MTSS1: variants seen among roughly 807,000 people sequenced by gnomAD.
MTSS1 encodes the protein MTSS I-BAR domain containing 1, also known as protein MTSS 1.
A neutral mutation model predicts 79.0 loss-of-function variants in MTSS1; 18 were observed. That is an observed-to-expected ratio of 0.23 (90% CI 0.16 to 0.34). The LOEUF (loss-of-function observed/expected upper bound fraction) is 0.34, where lower values mean the gene tolerates loss of function less well. MTSS1 is among the 10% of genes least tolerant of loss of function. The pLI, the probability that MTSS1 is intolerant of heterozygous loss-of-function variation, is 1.00. For missense variants in MTSS1, 815 were observed against 986.2 expected (o/e 0.83, Z 2.33); for synonymous variants, 341 against 368.6 (o/e 0.93, Z 0.86).
At chr8:124,625,110 G>C (rs1274142078) in intron 3 of MTSS1, among the ~76,000 whole-genome samples, 3 of 152,176 alleles carry the variant, frequency 2.0e-5, no homozygotes, top group African/African-American at 7.2e-5. Context: ...GAGCCAGAAA[G>C]GAGACTGAAT....
At chr8:124,705,196 C>T (rs905834170) in intron 1 of MTSS1, among the ~76,000 whole-genome samples, 8 of 152,128 alleles carry the variant, frequency 5.3e-5, no homozygotes, top group African/African-American at 1.9e-4. Context: ...AAGGGCCGGG[C>T]GCCATGGCTC....
intron 3 of MTSS1, among the ~76,000 whole-genome samples, chr8:124,665,677 G>A (rs1474203828): frequency 6.6e-6 from 1 of 152,106 alleles, no homozygotes; most frequent in Non-Finnish European, 1.5e-5. Context: ...AGACCATCCT[G>A]ACCAACATGG....
intron 5 of MTSS1, among the ~76,000 whole-genome samples, chr8:124,586,528 C>T (rs1046232133): frequency 6.6e-6 from 1 of 152,188 alleles, no homozygotes; most frequent in Non-Finnish European, 1.5e-5. Flanking sequence ...AGTCTCTCCT[C>T]CCTCCCCCTA....
intron 3 of MTSS1, among the ~76,000 whole-genome samples, chr8:124,609,834 T>A (rs1179094720): frequency 1.3e-5 from 2 of 152,150 alleles, no homozygotes; most frequent in Non-Finnish European, 2.9e-5. Flanking sequence ...ACTTGGACAC[T>A]ATCCTATTCT....
At chr8:124,652,755 A>G (rs1002744693) in intron 3 of MTSS1, among the ~76,000 whole-genome samples, 1 of 141,748 alleles carries the variant, frequency 7.1e-6, no homozygotes, top group Non-Finnish European at 1.5e-5. Flanking sequence ...AGATCGTGCC[A>G]TTGCACTCCA....
chr8:124,571,736 C>T (rs560462643), intron 6 of MTSS1, among the ~76,000 whole-genome samples: 21 of 152,282 alleles, frequency 1.4e-4, no homozygotes, highest in East Asian at 3.9e-4. Context: ...GAGGCCGCGG[C>T]GGGCGGATCA....
intron 3 of MTSS1, among the ~76,000 whole-genome samples, chr8:124,691,875 A>T (rs1480541045): frequency 2.0e-5 from 3 of 152,180 alleles, no homozygotes; most frequent in Non-Finnish European, 2.9e-5. Context: ...TTATGGTAAT[A>T]TTCAAAGAAT....
At chr8:124,695,168 T>C (rs989215030) in intron 3 of MTSS1, among the ~76,000 whole-genome samples, 1 of 152,206 alleles carries the variant, frequency 6.6e-6, no homozygotes, top group African/African-American at 2.4e-5. Flanking sequence ...AAAGATTTCC[T>C]ATAAAGGACA....
chr8:124,597,537 G>C lies in MTSS1; in HGVS notation c.209-6302C>G, dbSNP rs1832977683. 6.6e-6 allele frequency among the ~76,000 whole-genome samples: 1 copy of C among 152,230 alleles called. No individual in the cohort carries two copies. On this transcript the variant is annotated intron_variant, in intron 3 of 13. Coordinates refer to ENST00000518547, the MANE Select transcript of MTSS1 (RefSeq NM_014751.6). The surrounding 1 kb of genome is among the most constrained non-coding windows in gnomAD (Gnocchi z 4.6). ...GCAGAGACCTGGCAGCGACAGGCAG[G>C]ACGGTGGGTCCTTCGAGTGGCATTG...
At chr8:124,707,992 T>C (rs1830639104) in intron 1 of MTSS1, among the ~76,000 whole-genome samples, 1 of 152,218 alleles carries the variant, frequency 6.6e-6, no homozygotes, top group Admixed American at 6.5e-5. Flanking sequence ...CTGCCAGTCA[T>C]GGACTAGGGG....
intron 3 of MTSS1, among the ~76,000 whole-genome samples, chr8:124,678,673 G>A (rs1031514229): frequency 4.6e-5 from 7 of 152,122 alleles, no homozygotes; most frequent in African/African-American, 1.4e-4. Context: ...CCCACAACTC[G>A]TAAGGATTAT....
chr8:124,565,782 G>T (rs779474432), intron 8 of MTSS1, 23 bp from the exon 9 acceptor site: 1 of 1,570,780 alleles, frequency 6.4e-7, no homozygotes, highest in Non-Finnish European at 8.8e-7. Flanking sequence ...AGCCAGCTGG[G>T]TGAATGAGGT....
intron 3 of MTSS1, among the ~76,000 whole-genome samples, chr8:124,656,954 C>G (rs1185327542): frequency 2.0e-5 from 3 of 151,748 alleles, no homozygotes; most frequent in African/African-American, 7.3e-5. Context: ...TTCTACAGGA[C>G]AAAGGACCAG....
intron 3 of MTSS1, among the ~76,000 whole-genome samples, chr8:124,692,566 A>G (rs559215653): frequency 2.1e-4 from 32 of 152,250 alleles, no homozygotes; most frequent in Admixed American, 7.8e-4. Flanking sequence ...CCAGCTGGGA[A>G]CCCAAACAAC....
chr8:124,721,411 A>ATTTTTT lies in MTSS1; in HGVS notation c.72+6467_72+6472dup, dbSNP rs71289689. ...TTATTTACTTTAACATTTAACTCTAATTTTTTTTTTTTTTTTTGAGACAGA... is the reference window on the plus strand; with the variant it reads ...TTATTTACTTTAACATTTAACTCTAATTTTTTTTTTTTTTTTTTTTTTTGAGACAGA... On this transcript the variant is annotated intron_variant, in intron 1 of 13. Coordinates refer to ENST00000518547, the MANE Select transcript of MTSS1 (RefSeq NM_014751.6). Among the ~76,000 whole-genome samples the ATTTTTT allele has an allele frequency of 4.9e-4, 62 of 127,210 alleles. 6 individuals carry two copies. The highest frequency in any genetic ancestry group is 6.0e-4 in the Non-Finnish European group (38 of 63,062). 83.5% of individuals were successfully genotyped at this position (127,210 alleles called of 152,430 possible).
intron 3 of MTSS1, among the ~76,000 whole-genome samples, chr8:124,622,060 A>AAGAGAGAGAGAGAAAGAGAAAG (rs1813629933): frequency 2.7e-5 from 3 of 110,054 alleles, no homozygotes; most frequent in Non-Finnish European, 5.5e-5. Flanking sequence ...CAGAAAGAGA[A>AAGAGAGAGAGAGAAAGAGAAAG]AGAGAGAGAG....
intron 3 of MTSS1, among the ~76,000 whole-genome samples, chr8:124,681,898 C>T (rs2134992675): frequency 6.6e-6 from 1 of 152,340 alleles, no homozygotes; most frequent in Non-Finnish European, 1.5e-5. Flanking sequence ...TAAATACTAG[C>T]TTTCCTGATT....
chr8:124,566,448 A>G (rs1224211167), intron 8 of MTSS1, among the ~76,000 whole-genome samples: 1 of 152,204 alleles, frequency 6.6e-6, no homozygotes. Context: ...CTCCAAGGAG[A>G]CGAAAAGATT....
chr8:124,594,950 C>T (rs562452355), intron 3 of MTSS1, among the ~76,000 whole-genome samples: 2 of 152,228 alleles, frequency 1.3e-5, no homozygotes, highest in East Asian at 3.9e-4. Flanking sequence ...CTCCCATTTG[C>T]GAGTGGGCAT....
Sources: gnomAD v4.1 joint callset for allele counts (sites outside exome capture counted in the v4.1 genomes callset) on GRCh38, gnomAD v4.1.1 for gene constraint, Gnocchi (gnomAD v3.1) non-coding constraint, MANE v1.5 for transcripts, NCBI Gene and HGNC (gene_info 2026-07-23, HGNC 2026-07-21) for gene names.